Variants in LRP1B observed in about 807,000 individuals in gnomAD.
LRP1B encodes low-density lipoprotein receptor-related protein 1B.
Under a neutral mutation model 556.6 loss-of-function variants are expected in LRP1B, and 217 were observed. The ratio of observed to expected loss-of-function variants is 0.39; its 90% confidence interval spans 0.35 to 0.44. The LOEUF is 0.44. LRP1B is among the 20% of genes least tolerant of loss of function. LRP1B has a pLI of 1.00. For missense variants in LRP1B, 5,053 were observed against 5,620.8 expected (o/e 0.90, Z 3.23); for synonymous variants, 2,047 against 1,865.8 (o/e 1.10, Z -2.50).
rs1686646745 is a variant in LRP1B at position 140,701,673 on chromosome 2, G to T, written c.6427+48C>A. On this transcript the variant is annotated intron_variant, in intron 40 of 90. Coordinates refer to ENST00000389484, the MANE Select transcript of LRP1B (RefSeq NM_018557.3). ...TGACAATGTTTTTAAAAATTGGAGAGAAATCACATAAAATATACATATTAT... is the reference window on the plus strand; with the variant it reads ...TGACAATGTTTTTAAAAATTGGAGATAAATCACATAAAATATACATATTAT... The T allele has an allele frequency of 2.0e-6, 3 of 1,534,552 alleles. No individual in the cohort carries two copies. In the South Asian group the frequency reaches 3.6e-5, roughly 19 times the overall value.
At chr2:140,909,972 TC>T (rs1482083620) in intron 21 of LRP1B, among the ~76,000 whole-genome samples, 1 of 151,164 alleles carries the variant, frequency 6.6e-6, no homozygotes, top group East Asian at 1.9e-4. Flanking sequence ...TATTATTTGG[TC>T]TTGGATTAGT....
chr2:140,997,721 T>C (rs775943486), intron 15 of LRP1B, among the ~76,000 whole-genome samples: 10 of 152,002 alleles, frequency 6.6e-5, no homozygotes, highest in Non-Finnish European at 1.5e-4. Context: ...ATTTTGGGCA[T>C]CCAGATTCTC....
Position 142,013,564 on chromosome 2 carries a change from G to GA in LRP1B, c.82+117083dup, listed in dbSNP as rs964596548. Reference sequence around the variant, plus strand: ...ACACATGTAATATATCTATTCTACAGAAAAAAAAAATAAGTCACTTGCCCA... The same window carrying GA: ...ACACATGTAATATATCTATTCTACAGAAAAAAAAAAATAAGTCACTTGCCCA... On this transcript the variant is annotated intron_variant, in intron 1 of 90. Transcript: ENST00000389484. 1.9e-3 allele frequency among the ~76,000 whole-genome samples: 274 copies of GA among 146,192 alleles called. 2 individuals carry two copies. The highest frequency in any genetic ancestry group is 5.8e-3 in the African/African-American group (232 of 40,056).
chr2:140,954,267 G>A (rs1207579004), intron 18 of LRP1B, among the ~76,000 whole-genome samples: 1 of 152,154 alleles, frequency 6.6e-6, no homozygotes, highest in African/African-American at 2.4e-5. Context: ...GTACTGCAGT[G>A]TAGAAGATGT....
intron 3 of LRP1B, among the ~76,000 whole-genome samples, chr2:141,402,211 T>C (rs1690474408): frequency 6.6e-6 from 1 of 152,180 alleles, no homozygotes; most frequent in South Asian, 2.1e-4. Flanking sequence ...GATCATATTT[T>C]GCTTTCTGTT....
At chr2:141,255,908 C>A (rs1400808686) in intron 3 of LRP1B, among the ~76,000 whole-genome samples, 1 of 151,736 alleles carries the variant, frequency 6.6e-6, no homozygotes, top group Non-Finnish European at 1.5e-5. Context: ...AGAATCAGTT[C>A]AAAATTGGCT....
chr2:140,718,842 A>G (rs1687299143), intron 35 of LRP1B, among the ~76,000 whole-genome samples: 1 of 150,432 alleles, frequency 6.6e-6, no homozygotes. Context: ...CTTCAGTACA[A>G]GAGTCTTCAC....
chr2:140,603,721 A>G (rs1262651280), intron 41 of LRP1B, among the ~76,000 whole-genome samples: 2 of 152,112 alleles, frequency 1.3e-5, no homozygotes, highest in African/African-American at 2.4e-5. Flanking sequence ...AATCTGTTTT[A>G]CTTTATTTTT....
chr2:141,047,139 C>G (rs868243043), intron 11 of LRP1B, among the ~76,000 whole-genome samples: 7 of 151,890 alleles, frequency 4.6e-5, no homozygotes, highest in Non-Finnish European at 7.4e-5. Flanking sequence ...TCTACTTAGA[C>G]AGAATGTGCA....
chr2:141,357,883 A>G (rs1025448849), intron 3 of LRP1B, among the ~76,000 whole-genome samples: 18 of 152,346 alleles, frequency 1.2e-4, no homozygotes, highest in East Asian at 9.6e-4. Context: ...TTAACAGTAT[A>G]CATTATAATT....
chr2:141,937,859 A>G (rs1342636383), intron 1 of LRP1B, among the ~76,000 whole-genome samples: 1 of 152,024 alleles, frequency 6.6e-6, no homozygotes, highest in Non-Finnish European at 1.5e-5. Context: ...CTTTGTGTTG[A>G]TTTTTGTGGA....
intron 1 of LRP1B, among the ~76,000 whole-genome samples, chr2:142,126,691 T>C (rs540950182): frequency 4.6e-5 from 7 of 151,800 alleles, no homozygotes; most frequent in Non-Finnish European, 1.0e-4. Context: ...AGAATTCCTA[T>C]AACCAGGAAA....
intron 13 of LRP1B, among the ~76,000 whole-genome samples, chr2:141,015,329 C>G (rs1312326894): frequency 1.3e-5 from 2 of 151,990 alleles, no homozygotes; most frequent in African/African-American, 4.8e-5. Context: ...ATTACTTCCT[C>G]GTAATACATA....
At chr2:140,274,015 T>C (rs1682570688) in intron 85 of LRP1B, among the ~76,000 whole-genome samples, 1 of 151,990 alleles carries the variant, frequency 6.6e-6, no homozygotes, top group Non-Finnish European at 1.5e-5. Context: ...TGCTCCTCCT[T>C]CAACAAATCA....
chr2:140,661,562 G>T (rs1409819763), intron 41 of LRP1B, among the ~76,000 whole-genome samples: 1 of 151,866 alleles, frequency 6.6e-6, no homozygotes, highest in Non-Finnish European at 1.5e-5. Context: ...AGCTACTGGG[G>T]TGGTTGAGAT....
intron 20 of LRP1B, among the ~76,000 whole-genome samples, chr2:140,926,056 CTTTTTT>C (rs70991119): frequency 1.6e-4 from 14 of 86,016 alleles, no homozygotes; most frequent in Non-Finnish European, 8.7e-5. Context: ...TGGAGATTTT[CTTTTTT>C]TTTTTTTTTT....
intron 67 of LRP1B, among the ~76,000 whole-genome samples, chr2:140,382,776 G>GTTTT (rs1196529317): frequency 6.6e-6 from 1 of 152,094 alleles, no homozygotes; most frequent in Non-Finnish European, 1.5e-5. Flanking sequence ...AAACAAAGAA[G>GTTTT]TCCAAAAGTG....
At chr2:140,440,759 G>A (rs550715755) in intron 66 of LRP1B, among the ~76,000 whole-genome samples, 2 of 152,224 alleles carry the variant, frequency 1.3e-5, no homozygotes, top group African/African-American at 4.8e-5. Context: ...GTGTGTGTGT[G>A]TACACACACT....
At chr2:140,291,321 T>TTTTTTTA (rs1553440694) in intron 84 of LRP1B, among the ~76,000 whole-genome samples, 1 of 132,014 alleles carries the variant, frequency 7.6e-6, no homozygotes, top group African/African-American at 2.5e-5. Flanking sequence ...TATATATATT[T>TTTTTTTA]TTATTATACT....
Sources: allele counts gnomAD v4.1 joint callset (sites outside exome capture counted in the v4.1 genomes callset), GRCh38; gene constraint gnomAD v4.1.1; transcripts MANE v1.5; gene names NCBI Gene and HGNC (gene_info 2026-07-23, HGNC 2026-07-21).